CTNNA2: variants seen among roughly 807,000 people sequenced by gnomAD.
CTNNA2 encodes catenin alpha-2.
In CTNNA2, 42 loss-of-function variants were observed where a neutral mutation model predicts 101.0. The observed-to-expected ratio is 0.42, with a 90% CI of 0.32 to 0.54. The LOEUF is 0.54. Among genes scored for constraint, CTNNA2 ranks in the 20% least tolerant of loss-of-function variants. The pLI is 0.14. For synonymous variants in CTNNA2, 450 were observed against 456.4 expected, an observed-to-expected ratio of 0.99 and a Z score of 0.18; for missense variants, 871 against 1,223.1, an observed-to-expected ratio of 0.71 and a Z score of 4.29.
chr2:79,916,223 G>A (rs561475884), intron 7 of CTNNA2, among the ~76,000 whole-genome samples: 3 of 152,232 alleles, frequency 2.0e-5, no homozygotes, highest in South Asian at 4.1e-4. Flanking sequence ...AATCGAGATC[G>A]AATGTTGCCC....
In CTNNA2 at chr2:79,874,187, G is replaced by A. The variant is rs559758762; in HGVS notation, c.697G>A (p.Val233Ile). 4 of 1,614,128 alleles carry A rather than the reference G, an allele frequency of 2.5e-6. No individual in the cohort carries two copies. Among genetic ancestry groups the A allele is most frequent in the African/African-American group, 1.3e-5 (1 of 75,048 alleles). ...TCAAGCATTTCTCCGCCACCCAGAT[G>A]TCGCCGCTACGAGAGCCAACCGAGA... is the stretch of plus-strand genomic sequence containing the variant. ...ASQAFLRHPD[V>I]AATRANRDYV... The change falls in exon 6 of 19, where the codon GTC becomes ATC. Residue 233 changes from valine to isoleucine, a missense_variant. Val to Ile is a conservative substitution (Grantham distance 29). Around this residue, in one of 5 missense-constraint regions of CTNNA2, gnomAD observed 647 missense variants for 831.5 expected, o/e 0.78. Transcript: ENST00000402739.
At position 79,750,637 on chromosome 2, in the gene CTNNA2, C is replaced by T. The variant is rs561754428; in HGVS notation, c.298+6055C>T. On this transcript the variant is annotated intron_variant, in intron 3 of 18. Transcript: ENST00000402739. ...CAGCACTTTGGGAGGCCAAGGCGGG[C>T]AGATCACGAGGTTAGGAGATTAAGA... Among the ~76,000 whole-genome samples, 572 of 152,194 alleles carry T rather than the reference C, an allele frequency of 3.8e-3. 2 individuals are homozygous for T. The highest frequency in any genetic ancestry group is 5.8e-3 in the Non-Finnish European group (392 of 67,994).
intron 7 of CTNNA2, among the ~76,000 whole-genome samples, chr2:80,227,412 T>A (rs1558921874): frequency 6.6e-6 from 1 of 152,230 alleles, no homozygotes; most frequent in Non-Finnish European, 1.5e-5. Flanking sequence ...CACTGGAAGC[T>A]TGTCCACGTT....
chr2:79,218,311 T>TTGTGTGTGTGTGTGTGTGTGTG, intron 2 of CTNNA2, among the ~76,000 whole-genome samples: 1 of 114,758 alleles, frequency 8.7e-6, no homozygotes, highest in Admixed American at 9.1e-5. Context: ...TTCATGAACT[T>TTGTGTGTGTGTGTGTGTGTGTG]TGTGTGTGTG....
At chr2:79,476,165 TG>T (rs1671047642) in intron 4 of CTNNA2, among the ~76,000 whole-genome samples, 1 of 152,116 alleles carries the variant, frequency 6.6e-6, no homozygotes, top group African/African-American at 2.4e-5. Context: ...ACACAAGATG[TG>T]AAGTGGAGAT....
At chr2:79,967,906 T>C (rs376353216) in intron 7 of CTNNA2, among the ~76,000 whole-genome samples, 1 of 152,220 alleles carries the variant, frequency 6.6e-6, no homozygotes, top group Non-Finnish European at 1.5e-5. Flanking sequence ...TATACTTCAA[T>C]GTGGATGAAC....
intron 4 of CTNNA2, among the ~76,000 whole-genome samples, chr2:79,863,713 C>T (rs1430879573): frequency 6.6e-6 from 1 of 152,204 alleles, no homozygotes; most frequent in Non-Finnish European, 1.5e-5. Context: ...ACCCCTGGGG[C>T]TGGCATAGGG....
At chr2:80,065,960 G>T (rs1344536734) in intron 7 of CTNNA2, among the ~76,000 whole-genome samples, 2 of 152,122 alleles carry the variant, frequency 1.3e-5, no homozygotes, top group African/African-American at 4.8e-5. Context: ...ATGAGAATAG[G>T]AGAGAATGAC....
At chr2:79,378,128 C>T (rs918827936) in intron 4 of CTNNA2, among the ~76,000 whole-genome samples, 1 of 152,088 alleles carries the variant, frequency 6.6e-6, no homozygotes, top group African/African-American at 2.4e-5. Context: ...TTCCTACACA[C>T]TATGATGACT....
chr2:80,475,554 A>G (rs1251046122), intron 9 of CTNNA2, among the ~76,000 whole-genome samples: 1 of 152,156 alleles, frequency 6.6e-6, no homozygotes, highest in African/African-American at 2.4e-5. Flanking sequence ...GCATCAGGAA[A>G]TCTGCTATTC....
intron 1 of CTNNA2, among the ~76,000 whole-genome samples, chr2:79,590,062 C>T (rs1432714538): frequency 6.6e-6 from 1 of 152,050 alleles, no homozygotes; most frequent in African/African-American, 2.4e-5. Flanking sequence ...TATCTGTTAC[C>T]GGATCATGTG....
At chr2:79,504,711 T>C (rs1671374368) in intron 4 of CTNNA2, among the ~76,000 whole-genome samples, 1 of 152,184 alleles carries the variant, frequency 6.6e-6, no homozygotes, top group South Asian at 2.1e-4. Context: ...TGTGAGGGTA[T>C]CTTTCATTAT....
At chr2:79,755,971 T>A (rs925099840) in intron 3 of CTNNA2, among the ~76,000 whole-genome samples, 1 of 151,600 alleles carries the variant, frequency 6.6e-6, no homozygotes, top group Non-Finnish European at 1.5e-5. Flanking sequence ...TTCATCTTAA[T>A]GCAAATTTTA....
At chr2:80,490,284 C>CG (rs200724584) in intron 9 of CTNNA2, among the ~76,000 whole-genome samples, 3,960 of 87,730 alleles carry the variant, frequency 0.045, 94 homozygotes, top group Middle Eastern at 0.085. Flanking sequence ...CCCCCCACCC[C>CG]CCCCCCGGTA....
rs140082022 is a variant in CTNNA2 at position 80,209,264 on chromosome 2, C to T, written c.1057-183947C>T. Among the ~76,000 whole-genome samples, 603 of 150,544 alleles carry T rather than the reference C, an allele frequency of 4.0e-3. 5 individuals carry two copies. The highest frequency in any genetic ancestry group is 3.8e-3 in the South Asian group (18 of 4,756). On this transcript the variant is annotated intron_variant, in intron 7 of 18. Coordinates refer to ENST00000402739, the MANE Select transcript of CTNNA2 (RefSeq NM_001282597.3). Reference sequence around the variant, plus strand: ...TTGCCCAGGCTGAACTGCAGCGGCACGATCCTGGCTCACTGCAACCTCCGC... The same window carrying T: ...TTGCCCAGGCTGAACTGCAGCGGCATGATCCTGGCTCACTGCAACCTCCGC...
At chr2:79,197,964 G>A (rs2104173756) in exon 2 of CTNNA2, 1 of 152,406 alleles carries the variant, frequency 6.6e-6, no homozygotes, top group Admixed American at 6.5e-5. Context: ...TGTAGAGACG[G>A]GATCTCAGCA....
At chr2:79,211,108 T>C (rs1674166545) in intron 2 of CTNNA2, among the ~76,000 whole-genome samples, 1 of 152,210 alleles carries the variant, frequency 6.6e-6, no homozygotes, top group Non-Finnish European at 1.5e-5. Context: ...TTTCAGATAC[T>C]CTTCAAATTT....
At chr2:79,977,698 A>G (rs1054874170) in intron 7 of CTNNA2, among the ~76,000 whole-genome samples, 7 of 152,172 alleles carry the variant, frequency 4.6e-5, no homozygotes, top group African/African-American at 1.4e-4. Flanking sequence ...AACCTAAAAT[A>G]TAACGCTTTT....
intron 1 of CTNNA2, among the ~76,000 whole-genome samples, chr2:79,594,634 C>G (rs972747960): frequency 1.3e-5 from 2 of 152,102 alleles, no homozygotes; most frequent in African/African-American, 4.8e-5. Context: ...TGTCAATAAC[C>G]CATTCAATCT....
Sources: allele counts gnomAD v4.1 joint callset (sites outside exome capture counted in the v4.1 genomes callset), GRCh38; gene constraint gnomAD v4.1.1; regional missense constraint gnomAD v4.1.1; transcripts MANE v1.5; gene names NCBI Gene and HGNC (gene_info 2026-07-23, HGNC 2026-07-21).